The following CADM2 variants were observed in gnomAD, a reference collection of about 807,000 sequenced individuals.
The protein encoded by CADM2 is immunoglobulin superfamily member 4D.
CADM2 carries 12 observed loss-of-function variants against 49.8 expected under a neutral mutation model. The observed-to-expected ratio is 0.24, with a 90% CI of 0.15 to 0.39. CADM2 has a LOEUF of 0.39. Among genes scored for constraint, CADM2 ranks in the 10% least tolerant of loss-of-function variants. CADM2 has a pLI of 1.00. For synonymous variants in CADM2, 214 were observed against 175.4 expected (o/e 1.22, Z -1.74); for missense variants, 378 against 492.3 (o/e 0.77, Z 2.20).
intron 2 of CADM2, among the ~76,000 whole-genome samples, chr3:85,796,611 A>G (rs746613575): frequency 1.1e-4 from 17 of 152,288 alleles, no homozygotes; most frequent in Non-Finnish European, 2.5e-4. Flanking sequence ...TAATTTTGTA[A>G]GGTGATCACG....
intron 1 of CADM2, among the ~76,000 whole-genome samples, chr3:85,295,422 G>T (rs112987760): frequency 6.6e-6 from 1 of 152,030 alleles, no homozygotes; most frequent in Admixed American, 6.6e-5. Context: ...ACCATTTGAC[G>T]CAGCCATCCC....
rs996930077 is a variant in CADM2, at chr3:85,656,302, A to T, written c.62-70220A>T. Among the ~76,000 whole-genome samples the T allele has an allele frequency of 2.0e-5, 3 of 152,158 alleles. No individual in the cohort carries two copies. The South Asian group carries it at 6.2e-4, about 31-fold the overall frequency. On this transcript the variant is annotated intron_variant, in intron 1 of 9. Coordinates refer to ENST00000383699, the MANE Select transcript of CADM2 (RefSeq NM_001167675.2). ...TATCTAGAAATTATTATAGCTTATT[A>T]AGAGCTTACATAGCTTTAAAATATT...
chr3:85,897,294 G>A (rs541032246), intron 5 of CADM2, among the ~76,000 whole-genome samples: 15 of 99,578 alleles, frequency 1.5e-4, no homozygotes, highest in East Asian at 3.1e-4. Context: ...ACGGAGTCTC[G>A]CTCTGTCGCC....
intron 2 of CADM2, among the ~76,000 whole-genome samples, chr3:85,735,152 T>G (rs1265181763): frequency 6.6e-6 from 1 of 152,072 alleles, no homozygotes; most frequent in Non-Finnish European, 1.5e-5. Context: ...TATGTTACAA[T>G]GTAGTATCCA....
chr3:86,040,303 C>T (rs1008777524), intron 8 of CADM2, among the ~76,000 whole-genome samples: 8 of 151,982 alleles, frequency 5.3e-5, no homozygotes, highest in African/African-American at 1.9e-4. Flanking sequence ...GGAGGAAGTT[C>T]AAACCCATGG....
At chr3:85,953,169 C>T (rs1054183570) in intron 7 of CADM2, among the ~76,000 whole-genome samples, 4 of 150,968 alleles carry the variant, frequency 2.6e-5, no homozygotes, top group Middle Eastern at 3.4e-3. Flanking sequence ...TAAAATAATA[C>T]TTTTTCATGT....
At chr3:86,029,629 A>G (rs1367497389) in intron 8 of CADM2, among the ~76,000 whole-genome samples, 2 of 152,016 alleles carry the variant, frequency 1.3e-5, no homozygotes, top group Non-Finnish European at 2.9e-5. Flanking sequence ...ATCGGAGTGC[A>G]TAAAAGCTAA....
intron 1 of CADM2, among the ~76,000 whole-genome samples, chr3:85,696,283 A>G (rs376213013): frequency 9.2e-5 from 14 of 151,898 alleles, no homozygotes; most frequent in African/African-American, 3.4e-4. Flanking sequence ...AGTCCCATTT[A>G]TTTATTGTTA....
intron 7 of CADM2, 55 bp from the exon 8 acceptor site, chr3:85,961,412 TAC>T: frequency 7.3e-7 from 1 of 1,368,864 alleles, no homozygotes; most frequent in Non-Finnish European, 9.9e-7. Flanking sequence ...TTACTAAATT[TAC>T]ACATATTTAA....
At chr3:85,694,929 T>TA (rs1010046497) in intron 1 of CADM2, among the ~76,000 whole-genome samples, 17 of 143,548 alleles carry the variant, frequency 1.2e-4, no homozygotes, top group Middle Eastern at 3.8e-3. Context: ...ATCCTATCTC[T>TA]AAAAAAAATA....
intron 1 of CADM2, among the ~76,000 whole-genome samples, chr3:85,475,530 C>A (rs1297013164): frequency 2.0e-5 from 3 of 151,566 alleles, no homozygotes; most frequent in Non-Finnish European, 4.4e-5. Context: ...TTTCATGACC[C>A]GTTTATTTGA....
chr3:85,490,158 G>A (rs17022886), intron 1 of CADM2, among the ~76,000 whole-genome samples: 45,143 of 151,428 alleles, frequency 0.3, 7,977 homozygotes, highest in East Asian at 0.55. Flanking sequence ...TTTAATTCTC[G>A]CAGAAATCAT....
At chr3:85,415,306 C>G (rs961652182) in intron 1 of CADM2, among the ~76,000 whole-genome samples, 1 of 151,802 alleles carries the variant, frequency 6.6e-6, no homozygotes, top group Admixed American at 6.6e-5. Flanking sequence ...CCGGGTTCCC[C>G]TACTCGGGAA....
intron 1 of CADM2, among the ~76,000 whole-genome samples, chr3:85,372,353 G>A (rs138611477): frequency 0.014 from 1,958 of 137,900 alleles, 15 homozygotes; most frequent in Non-Finnish European, 0.021. Flanking sequence ...ATATATATAT[G>A]TGTGTGTGTG....
At chr3:85,046,041 A>T (rs2035641293) in intron 1 of CADM2, among the ~76,000 whole-genome samples, 2 of 152,122 alleles carry the variant, frequency 1.3e-5, no homozygotes, top group African/African-American at 4.8e-5. Context: ...TATTATCTGC[A>T]TTTTGATTGT....
chr3:85,531,810 C>T (rs77398998), intron 1 of CADM2, among the ~76,000 whole-genome samples: 7,704 of 152,162 alleles, frequency 0.051, 669 homozygotes, highest in African/African-American at 0.17. Context: ...CTTCATAAAT[C>T]CATCCTCTAA....
At chr3:85,974,762 G>A (rs777062856) in intron 8 of CADM2, among the ~76,000 whole-genome samples, 3 of 151,580 alleles carry the variant, frequency 2.0e-5, no homozygotes, top group Non-Finnish European at 4.4e-5. Context: ...AATAACTTTT[G>A]CAGCCTAGTT....
rs376811661 is a variant in CADM2 at position 85,663,598 on chromosome 3, T to C, written c.62-62924T>C. On this transcript the variant is annotated intron_variant, in intron 1 of 9. Transcript: ENST00000383699. Reference sequence around the variant, plus strand: ...CTAGCTGTGACTAGCAAAGACCAACTCCTTCAATTTTGTATGGACCCCACC... The same window carrying C: ...CTAGCTGTGACTAGCAAAGACCAACCCCTTCAATTTTGTATGGACCCCACC... Among the ~76,000 whole-genome samples, 14 of 152,134 alleles carry C rather than the reference T, an allele frequency of 9.2e-5. No homozygotes were observed. In the East Asian group the frequency reaches 2.7e-3, roughly 29 times the overall value.
intron 8 of CADM2, among the ~76,000 whole-genome samples, chr3:86,039,864 G>A (rs933997839): frequency 2.6e-5 from 4 of 152,168 alleles, no homozygotes; most frequent in Non-Finnish European, 5.9e-5. Flanking sequence ...ACACATGGCT[G>A]GGTTCTCCTC....
Sources: allele counts gnomAD v4.1 joint callset (sites outside exome capture counted in the v4.1 genomes callset), GRCh38; gene constraint gnomAD v4.1.1; transcripts MANE v1.5; gene names NCBI Gene and HGNC (gene_info 2026-07-23, HGNC 2026-07-21).